Variants in CMIP observed in about 807,000 individuals in gnomAD.
The protein encoded by CMIP is C-Maf-inducing protein.
CMIP carries 13 observed loss-of-function variants against 97.3 expected under a neutral mutation model. The observed-to-expected ratio is 0.13, with a 90% CI of 0.09 to 0.21. CMIP has a LOEUF of 0.21. Among genes scored for constraint, CMIP ranks in the 10% least tolerant of loss-of-function variants. The pLI is 1.00. For missense variants in CMIP, 847 were observed against 1,024.9 expected, an observed-to-expected ratio of 0.83 and a Z score of 2.37; for synonymous variants, 538 against 436.3, an observed-to-expected ratio of 1.23 and a Z score of -2.91.
chr16:81,459,049 C>T (rs1175299293), intron 1 of CMIP, among the ~76,000 whole-genome samples: 4 of 144,200 alleles, frequency 2.8e-5, no homozygotes, highest in Non-Finnish European at 6.2e-5. Context: ...TCACCATCAC[C>T]ATCACCATCA....
chr16:81,515,822 G>A (rs72827196), intron 1 of CMIP, among the ~76,000 whole-genome samples: 2,086 of 152,252 alleles, frequency 0.014, 22 homozygotes, highest in Middle Eastern at 0.017. Flanking sequence ...GATTCAACCC[G>A]TGGGAGGAGC....
chr16:81,458,330 G>A lies in CMIP; in HGVS notation c.300+12789G>A, dbSNP rs1028214786. Reference sequence around the variant, plus strand: ...TGGAGTTGGCATGCAGGTTCTACCCGCAGGCTTGGTGAAGGGGGGTAGGGG... The same window carrying A: ...TGGAGTTGGCATGCAGGTTCTACCCACAGGCTTGGTGAAGGGGGGTAGGGG... On this transcript the variant is annotated intron_variant, in intron 1 of 20. Transcript: ENST00000537098. 7.2e-5 allele frequency among the ~76,000 whole-genome samples: 11 copies of A among 152,182 alleles called. No individual in the cohort carries two copies. The South Asian group carries it at 1.2e-3, about 17-fold the overall frequency.
intron 19 of CMIP, among the ~76,000 whole-genome samples, chr16:81,705,948 G>A (rs1224422168): frequency 6.6e-6 from 1 of 152,216 alleles, no homozygotes; most frequent in Non-Finnish European, 1.5e-5. Context: ...GACCAGTGGT[G>A]GCAGCGTCTT....
rs535786925 is a variant in CMIP, at chr16:81,670,861, C to T, written c.929+616C>T. On this transcript the variant is annotated intron_variant, in intron 8 of 20. Transcript: ENST00000537098. The stretch of plus-strand genomic sequence containing the variant: ...TTGTTTGTTTTGAGATGGAGTCTCG[C>T]TCTGTCACCCAGGCTGGAGTGCAGT... Among the ~76,000 whole-genome samples, 50 of 152,240 alleles carry T rather than the reference C, an allele frequency of 3.3e-4. 1 individual carries two copies. Among genetic ancestry groups the T allele is most frequent in the Admixed American group, 1.6e-3 (25 of 15,300 alleles).
At chr16:81,455,105 G>C (rs1906462535) in intron 1 of CMIP, among the ~76,000 whole-genome samples, 1 of 152,228 alleles carries the variant, frequency 6.6e-6, no homozygotes, top group Non-Finnish European at 1.5e-5. Flanking sequence ...TGCACCCTGG[G>C]GCGGGTGGTG....
At chr16:81,500,854 C>G (rs868414468) in intron 1 of CMIP, among the ~76,000 whole-genome samples, 1 of 152,120 alleles carries the variant, frequency 6.6e-6, no homozygotes, top group Admixed American at 6.5e-5. Context: ...TTCTTTCTTT[C>G]CTTCCTTCTT....
chr16:81,502,725 A>T (rs149061324), intron 1 of CMIP, among the ~76,000 whole-genome samples: 2 of 152,358 alleles, frequency 1.3e-5, no homozygotes, highest in East Asian at 3.9e-4. Context: ...GCAAATTATG[A>T]CAATATGGCT....
At chr16:81,491,862 G>C (rs1478643807) in intron 1 of CMIP, among the ~76,000 whole-genome samples, 1 of 152,130 alleles carries the variant, frequency 6.6e-6, no homozygotes, top group African/African-American at 2.4e-5. Context: ...GAACATGCTG[G>C]TTTCTTTCCA....
chr16:81,488,113 T>A (rs62043958), intron 1 of CMIP, among the ~76,000 whole-genome samples: 112,013 of 152,164 alleles, frequency 0.74, 41,456 homozygotes, highest in East Asian at 0.87. Flanking sequence ...CTGCATGACT[T>A]TTATTTTATT....
intron 2 of CMIP, among the ~76,000 whole-genome samples, chr16:81,618,089 C>T (rs115786882): frequency 1.5e-4 from 23 of 152,362 alleles, no homozygotes; most frequent in African/African-American, 5.5e-4. Flanking sequence ...GTTGTACCTC[C>T]TGCTTTTATT....
At chr16:81,522,413 G>C (rs912022489) in intron 1 of CMIP, among the ~76,000 whole-genome samples, 1 of 152,248 alleles carries the variant, frequency 6.6e-6, no homozygotes, top group African/African-American at 2.4e-5. Flanking sequence ...GAAGTAGCCA[G>C]AGGCCAGAGG....
intron 1 of CMIP, chr16:81,476,092 C>T (rs2927330): frequency 0.12 from 96,206 of 778,024 alleles, 9,179 homozygotes; most frequent in African/African-American, 0.4. Context: ...ACCCAAAGTG[C>T]TCCATGGCCT....
chr16:81,645,898 G>T (rs1002255831), intron 3 of CMIP: 1 of 466,954 alleles, frequency 2.1e-6, no homozygotes, highest in South Asian at 2.5e-5. Flanking sequence ...ATCCTGATTT[G>T]CAGACAAGGA....
Position 81,647,529 on chromosome 16 carries a change from C to T in CMIP, c.478-4674C>T, listed in dbSNP as rs545220427. 2.6e-5 allele frequency among the ~76,000 whole-genome samples: 4 copies of T among 152,240 alleles called. No individual in the cohort carries two copies. The South Asian group carries it at 8.3e-4, about 32-fold the overall frequency. On this transcript the variant is annotated intron_variant, in intron 3 of 20. Coordinates refer to ENST00000537098, the MANE Select transcript of CMIP (RefSeq NM_198390.3). The stretch of plus-strand genomic sequence containing the variant: ...GCCCAGCCACAGAACAGTTCCAAGG[C>T]CCCTGTGTACTCCCCACTTCAGAAG...
chr16:81,549,991 A>G (rs1307925799), intron 1 of CMIP, among the ~76,000 whole-genome samples: 1 of 152,184 alleles, frequency 6.6e-6, no homozygotes, highest in Non-Finnish European at 1.5e-5. Context: ...GTGCATATTT[A>G]AATGCGCTCA....
At chr16:81,674,963 A>C (rs1904285509) in intron 9 of CMIP, among the ~76,000 whole-genome samples, 1 of 133,656 alleles carries the variant, frequency 7.5e-6, no homozygotes, top group South Asian at 2.2e-4. Flanking sequence ...CAATTTAAAA[A>C]AAGAAAGAAA....
chr16:81,573,101 C>T (rs981489150), intron 1 of CMIP, among the ~76,000 whole-genome samples: 1 of 152,174 alleles, frequency 6.6e-6, no homozygotes, highest in Non-Finnish European at 1.5e-5. Flanking sequence ...CCCAGCACTT[C>T]GGGAGGCCGA....
chr16:81,600,065 G>A (rs551703730), intron 1 of CMIP, among the ~76,000 whole-genome samples: 4 of 152,048 alleles, frequency 2.6e-5, no homozygotes, highest in South Asian at 4.2e-4. Flanking sequence ...TGGATCACAA[G>A]GTCAGGAGTT....
At chr16:81,545,377 G>A (rs2090526883) in intron 1 of CMIP, among the ~76,000 whole-genome samples, 1 of 152,230 alleles carries the variant, frequency 6.6e-6, no homozygotes, top group Non-Finnish European at 1.5e-5. Flanking sequence ...CGCAGTGAAG[G>A]AGCAGAAGCT....
Sources: gnomAD v4.1 joint callset for allele counts (sites outside exome capture counted in the v4.1 genomes callset) on GRCh38, gnomAD v4.1.1 for gene constraint, MANE v1.5 for transcripts, NCBI Gene and HGNC (gene_info 2026-07-23, HGNC 2026-07-21) for gene names.